LINGO2: variants seen among roughly 807,000 people sequenced by gnomAD.
LINGO2 encodes leucine-rich repeat and immunoglobulin-like domain-containing nogo receptor-interacting protein 2.
In LINGO2, 14 loss-of-function variants were observed where a neutral mutation model predicts 30.6. The observed-to-expected ratio is 0.46, with a 90% CI of 0.30 to 0.72. The LOEUF (loss-of-function observed/expected upper bound fraction) is 0.72, where lower values mean the gene tolerates loss of function less well. LINGO2 is among the 30% of genes least tolerant of loss of function. LINGO2 has a pLI of 0.07. For missense variants in LINGO2, 729 were observed against 751.7 expected, an observed-to-expected ratio of 0.97 and a Z score of 0.35; for synonymous variants, 317 against 288.5, an observed-to-expected ratio of 1.10 and a Z score of -1.00.
At chr9:28,156,061 C>A (rs557850405) in intron 4 of LINGO2, among the ~76,000 whole-genome samples, 7 of 152,140 alleles carry the variant, frequency 4.6e-5, no homozygotes, top group Non-Finnish European at 1.0e-4. Context: ...TTAATCCTTT[C>A]TTTTTAATGA....
At chr9:28,768,468 C>G in the LINGO2 span, among the ~76,000 whole-genome samples, 1 of 152,022 alleles carries the variant, frequency 6.6e-6, no homozygotes, top group East Asian at 1.9e-4. Context: ...CACTTCCTGA[C>G]CCAGACTCAA....
chr9:28,988,033 G>C, the LINGO2 span, among the ~76,000 whole-genome samples: 3,852 of 152,208 alleles, frequency 0.025, 131 homozygotes, highest in African/African-American at 0.073. Context: ...TTTTATGCAG[G>C]TCTGCTAGGT....
the LINGO2 span, among the ~76,000 whole-genome samples, chr9:28,682,944 T>C: frequency 6.6e-6 from 1 of 152,238 alleles, no homozygotes; most frequent in African/African-American, 2.4e-5. Context: ...CAATGAGATG[T>C]CTTTGAATGA....
intron 4 of LINGO2, among the ~76,000 whole-genome samples, chr9:28,157,430 A>C (rs1176705973): frequency 6.6e-6 from 1 of 152,116 alleles, no homozygotes; most frequent in Non-Finnish European, 1.5e-5. Context: ...CTGGCCCACA[A>C]AACCACTTTT....
chr9:29,174,776 A>C, the LINGO2 span, among the ~76,000 whole-genome samples: 2 of 152,248 alleles, frequency 1.3e-5, no homozygotes, highest in African/African-American at 2.4e-5. Context: ...ACATGTCAGG[A>C]TGTAATTCAG....
In LINGO2 at chr9:28,589,508, C is replaced by CAGACA. The variant is rs1824755658; in HGVS notation, c.-365+80687_-365+80691dup. Among the ~76,000 whole-genome samples the CAGACA allele has an allele frequency of 3.9e-5, 6 of 152,152 alleles. No individual in the cohort carries two copies. The South Asian group carries it at 1.2e-3, about 32-fold the overall frequency. On this transcript the variant is annotated intron_variant, in intron 1 of 5. Transcript: ENST00000379992. ...CACAAGCATTCTTATACACCAATAACAGACAAACAGAGAGCCAAATCATCA... is the reference window on the plus strand; with the variant it reads ...CACAAGCATTCTTATACACCAATAACAGACAAGACAAACAGAGAGCCAAATCATCA...
the LINGO2 span, among the ~76,000 whole-genome samples, chr9:28,710,660 T>C: frequency 2.1e-4 from 32 of 152,204 alleles, no homozygotes; most frequent in South Asian, 6.4e-3. Context: ...CTTTGAACTA[T>C]ACACCTTTCA....
chr9:28,028,461 A>T (rs1823494160), intron 4 of LINGO2, among the ~76,000 whole-genome samples: 1 of 152,142 alleles, frequency 6.6e-6, no homozygotes, highest in Non-Finnish European at 1.5e-5. Flanking sequence ...TATAGATGCT[A>T]TACTTGCTCA....
chr9:28,883,203 C>T, the LINGO2 span, among the ~76,000 whole-genome samples: 6 of 152,054 alleles, frequency 3.9e-5, no homozygotes, highest in African/African-American at 1.4e-4. Context: ...TTTATTCATT[C>T]ATTTATTTAG....
chr9:29,035,274 G>C, the LINGO2 span, among the ~76,000 whole-genome samples: 6 of 152,004 alleles, frequency 3.9e-5, no homozygotes, highest in Non-Finnish European at 7.4e-5. Flanking sequence ...AGGTCACATA[G>C]ATTGTGGTCA....
the LINGO2 span, among the ~76,000 whole-genome samples, chr9:29,102,195 C>T: frequency 6.6e-6 from 1 of 151,970 alleles, no homozygotes; most frequent in African/African-American, 2.4e-5. Context: ...CATTCTCCTG[C>T]CTCAGCCTCC....
At chr9:28,857,172 G>C in the LINGO2 span, among the ~76,000 whole-genome samples, 5 of 151,946 alleles carry the variant, frequency 3.3e-5, no homozygotes, top group African/African-American at 9.7e-5. Flanking sequence ...GATAAAGTCT[G>C]TTAATTGTTA....
chr9:28,476,571 G>A (rs1046318051), intron 1 of LINGO2, among the ~76,000 whole-genome samples: 27 of 152,116 alleles, frequency 1.8e-4, no homozygotes, highest in Non-Finnish European at 2.5e-4. Flanking sequence ...CACCGCGCCC[G>A]GCCTATTTTC....
At chr9:28,467,056 C>T (rs149287896) in intron 2 of LINGO2, among the ~76,000 whole-genome samples, 1,912 of 149,830 alleles carry the variant, frequency 0.013, 34 homozygotes, top group African/African-American at 0.044. Flanking sequence ...GACGGAGTCT[C>T]GCTCTGTTGC....
intron 4 of LINGO2, among the ~76,000 whole-genome samples, chr9:28,157,414 C>T (rs550667369): frequency 3.2e-4 from 49 of 152,320 alleles, no homozygotes; most frequent in African/African-American, 1.1e-3. Flanking sequence ...CACAAGGACA[C>T]TGGGCCTGGC....
the LINGO2 span, among the ~76,000 whole-genome samples, chr9:29,155,917 C>T: frequency 6.6e-6 from 1 of 151,964 alleles, no homozygotes; most frequent in East Asian, 1.9e-4. Flanking sequence ...AAAAAAACAC[C>T]CACCTTCATT....
At chr9:28,089,285 C>G (rs2133254753) in intron 4 of LINGO2, among the ~76,000 whole-genome samples, 1 of 152,308 alleles carries the variant, frequency 6.6e-6, no homozygotes, top group South Asian at 2.1e-4. Flanking sequence ...CCACATCACA[C>G]TTATTCCAAA....
chr9:28,091,837 C>T (rs911999087), intron 4 of LINGO2, among the ~76,000 whole-genome samples: 12 of 152,086 alleles, frequency 7.9e-5, no homozygotes, highest in African/African-American at 2.7e-4. Context: ...CTACAAAGAA[C>T]TCAAACAATT....
intron 4 of LINGO2, among the ~76,000 whole-genome samples, chr9:28,101,268 A>G (rs1345111284): frequency 6.6e-6 from 1 of 152,092 alleles, no homozygotes; most frequent in Non-Finnish European, 1.5e-5. Context: ...ATCCTAGATC[A>G]AAATCTTGAG....
Sources: allele counts gnomAD v4.1 joint callset (sites outside exome capture counted in the v4.1 genomes callset), GRCh38; gene constraint gnomAD v4.1.1; transcripts MANE v1.5; gene names NCBI Gene and HGNC (gene_info 2026-07-23, HGNC 2026-07-21).